ITK: variants seen among roughly 807,000 people sequenced by gnomAD.
ITK encodes the protein IL2 inducible T cell kinase, also known as tyrosine-protein kinase ITK/TSK.
A neutral mutation model predicts 87.6 loss-of-function variants in ITK; 45 were observed. That is an observed-to-expected ratio of 0.51 (90% confidence interval 0.40 to 0.66). ITK has a LOEUF of 0.66. ITK is among the 30% of genes least tolerant of loss of function. The probability of loss-of-function intolerance (pLI) is 0.00; values close to 1 mark genes in which losing one functional copy is unlikely to be tolerated. For synonymous variants in ITK, 303 were observed against 273.6 expected (o/e 1.11, Z -1.06); for missense variants, 605 against 766.3 (o/e 0.79, Z 2.48).
chr5:157,209,129 T>A, intron 2 of ITK, 136 bp downstream of exon 2: 1 of 706,786 alleles, frequency 1.4e-6, no homozygotes, highest in Non-Finnish European at 2.6e-6. Flanking sequence ...AGGTCAGGAG[T>A]TCAAGACCAG....
chr5:157,241,878 A>G (rs1754915674), intron 11 of ITK, among the ~76,000 whole-genome samples, 158 bp downstream of exon 11: 1 of 152,228 alleles, frequency 6.6e-6, no homozygotes, highest in Non-Finnish European at 1.5e-5. Flanking sequence ...GAATATTTAC[A>G]TTGTGTGTAA....
Position 157,253,660 on chromosome 5 carries a change from G to A in ITK, c.*982G>A. On this transcript the variant is annotated 3_prime_UTR_variant, in exon 17 of 17. Transcript: ENST00000422843. ...ATCCGATCCTCATCAACAGAGGGCA[G>A]CATTGTGTTGGTCAATGTTCCCTTG... is the stretch of plus-strand genomic sequence containing the variant. The A allele has an allele frequency of 4.4e-6, 1 of 226,648 alleles. No individual in the cohort carries two copies. Among genetic ancestry groups the A allele is most frequent in the Non-Finnish European group, 8.8e-6 (1 of 113,868 alleles). 14.0% of individuals were successfully genotyped at this position (226,648 alleles called of 1,614,324 possible). A position where few individuals can be genotyped will look rare whatever the true frequency, so the allele number is the denominator to read the frequency against.
intron 5 of ITK, among the ~76,000 whole-genome samples, chr5:157,220,213 T>G (rs1169667336): frequency 6.6e-6 from 1 of 151,842 alleles, no homozygotes; most frequent in Non-Finnish European, 1.5e-5. Flanking sequence ...CCTCTGGGGG[T>G]TGGGGGATGG....
chr5:157,202,709 C>G (rs910062524), intron 1 of ITK, among the ~76,000 whole-genome samples: 3 of 152,092 alleles, frequency 2.0e-5, no homozygotes, highest in African/African-American at 7.2e-5. Flanking sequence ...TGTCAGAAAT[C>G]ACCTAACAAT....
chr5:157,210,990 C>T (rs1037688742), intron 2 of ITK, among the ~76,000 whole-genome samples: 3 of 151,904 alleles, frequency 2.0e-5, no homozygotes, highest in African/African-American at 7.3e-5. Context: ...TCACTAAAAA[C>T]TTAAGATGAG....
At chr5:157,252,358 T>C (rs954944123) in intron 16 of ITK, among the ~76,000 whole-genome samples, 2 of 152,194 alleles carry the variant, frequency 1.3e-5, no homozygotes, top group Admixed American at 1.3e-4. Flanking sequence ...AAAACTGAGG[T>C]TCAAAGAGGT....
Position 157,239,171 on chromosome 5 carries a change from AG to A in ITK, c.852-890del, listed in dbSNP as rs199582474. On this transcript the variant is annotated intron_variant, in intron 9 of 16. Transcript: ENST00000422843. ...GTCGAGGCTCCCCACAACTACCCCC[AG>A]CTTCAGGGATTCACTAGGAGGCCTT... Among the ~76,000 whole-genome samples, 1,286 of 152,246 alleles carry A rather than the reference AG, an allele frequency of 8.4e-3. 19 individuals carry two copies. Among genetic ancestry groups the A allele is most frequent in the African/African-American group, 0.029 (1,214 of 41,542 alleles).
chr5:157,253,364 G>T lies in ITK; in HGVS notation c.*686G>T. On this transcript the variant is annotated 3_prime_UTR_variant, in exon 17 of 17. Coordinates refer to ENST00000422843, the MANE Select transcript of ITK (RefSeq NM_005546.4). Reference sequence around the variant, plus strand: ...GGCGAGACCCATTGGATGGATTGGGGTGAACAGTTCAGGTCCCATGCTTGG... The same window carrying T: ...GGCGAGACCCATTGGATGGATTGGGTTGAACAGTTCAGGTCCCATGCTTGG... 2 of 233,538 alleles carry T rather than the reference G, an allele frequency of 8.6e-6. No homozygotes were observed. Among genetic ancestry groups the T allele is most frequent in the Non-Finnish European group, 1.7e-5 (2 of 117,374 alleles). The allele number at this position is 233,538 out of a possible 1,614,324, so 14.5% of individuals were successfully genotyped here.
At chr5:157,183,804 C>T (rs1179658948) in intron 1 of ITK, among the ~76,000 whole-genome samples, 5 of 152,086 alleles carry the variant, frequency 3.3e-5, no homozygotes, top group African/African-American at 1.2e-4. Context: ...AATTATGATT[C>T]TTGCAGTTCT....
intron 5 of ITK, among the ~76,000 whole-genome samples, chr5:157,220,481 G>C (rs1287471408): frequency 6.6e-6 from 1 of 152,164 alleles, no homozygotes; most frequent in Non-Finnish European, 1.5e-5. Flanking sequence ...CCCTATCCCT[G>C]CCACTGCTAC....
At chr5:157,227,934 G>A (rs552298470) in intron 6 of ITK, among the ~76,000 whole-genome samples, 10 of 146,582 alleles carry the variant, frequency 6.8e-5, no homozygotes, top group South Asian at 2.2e-4. Flanking sequence ...GGGTTCAAGC[G>A]ATTCTTGTGC....
chr5:157,203,987 G>A (rs183066933), intron 1 of ITK, among the ~76,000 whole-genome samples: 122 of 152,274 alleles, frequency 8.0e-4, no homozygotes, highest in African/African-American at 2.7e-3. Context: ...TTCTTCACAT[G>A]CCTCTGTAGT....
chr5:157,187,355 C>T (rs1753665377), intron 1 of ITK, among the ~76,000 whole-genome samples: 1 of 152,138 alleles, frequency 6.6e-6, no homozygotes, highest in Non-Finnish European at 1.5e-5. Context: ...ACACTATTCA[C>T]TCATGCATCA....
chr5:157,186,519 A>C (rs2113736144), intron 1 of ITK, among the ~76,000 whole-genome samples: 1 of 152,228 alleles, frequency 6.6e-6, no homozygotes, highest in South Asian at 2.1e-4. Context: ...TACTAAAAAC[A>C]CAAAAAGTTA....
intron 1 of ITK, among the ~76,000 whole-genome samples, chr5:157,202,277 G>A (rs777295587): frequency 2.6e-5 from 4 of 152,016 alleles, no homozygotes; most frequent in South Asian, 2.1e-4. Flanking sequence ...GCAGTGGCAC[G>A]ATCTCAGCTC....
chr5:157,243,849 G>A, intron 12 of ITK, 55 bp downstream of exon 12: 3 of 1,554,648 alleles, frequency 1.9e-6, no homozygotes. Flanking sequence ...TCGGTTCAGT[G>A]TTCTTGAAAT....
At chr5:157,243,513 TATATTAAC>T in intron 11 of ITK, 102 bp from the exon 12 acceptor site, 1 of 878,270 alleles carries the variant, frequency 1.1e-6, no homozygotes, top group Non-Finnish European at 2.0e-6. Flanking sequence ...ATCTTTGAAT[TATATTAAC>T]AATAGGCTAA....
At position 157,254,028 on chromosome 5, in the gene ITK, G is replaced by A. The variant is rs543185318; in HGVS notation, c.*1350G>A. The A allele has an allele frequency of 5.9e-4, 133 of 226,106 alleles. 2 individuals carry two copies. The South Asian group carries it at 0.023, about 39-fold the overall frequency. The allele number at this position is 226,106 out of a possible 1,614,324, so 14.0% of individuals were successfully genotyped here. A position where few individuals can be genotyped will look rare whatever the true frequency, so the allele number is the denominator to read the frequency against. On this transcript the variant is annotated 3_prime_UTR_variant, in exon 17 of 17. Transcript: ENST00000422843. ...AGCCAAGACATCTGCCCAAAGTGAT[G>A]GAACTAGAAAGTCTAGAGCTGGTAT...
intron 1 of ITK, among the ~76,000 whole-genome samples, chr5:157,194,446 TTTCTGGGAATAACA>T (rs1364056457): frequency 6.6e-6 from 1 of 152,212 alleles, no homozygotes; most frequent in Non-Finnish European, 1.5e-5. Flanking sequence ...TATTGAGCCT[TTTCTGGGAATAACA>T]TTCTGGGAAA....
Sources: allele counts gnomAD v4.1 joint callset (sites outside exome capture counted in the v4.1 genomes callset), GRCh38; gene constraint gnomAD v4.1.1; transcripts MANE v1.5; gene names NCBI Gene and HGNC (gene_info 2026-07-23, HGNC 2026-07-21).